GABRB2: variants seen among roughly 807,000 people sequenced by gnomAD.
GABRB2 encodes the protein gamma-aminobutyric acid receptor subunit beta-2.
Under a neutral mutation model 54.7 loss-of-function variants are expected in GABRB2, and 16 were observed. The ratio of observed to expected loss-of-function variants is 0.29; its 90% CI spans 0.20 to 0.44. GABRB2 has a LOEUF of 0.44. GABRB2 is among the 20% of genes least tolerant of loss of function. The pLI, the probability that GABRB2 is intolerant of heterozygous loss-of-function variation, is 1.00. For missense variants in GABRB2, 355 were observed against 644.0 expected, an observed-to-expected ratio of 0.55 and a Z score of 4.86; for synonymous variants, 244 against 233.8, an observed-to-expected ratio of 1.04 and a Z score of -0.40.
intron 5 of GABRB2, among the ~76,000 whole-genome samples, chr5:161,373,102 C>T (rs973355674): frequency 2.0e-5 from 3 of 152,030 alleles, no homozygotes; most frequent in Admixed American, 6.6e-5. Flanking sequence ...AATTCCTAAC[C>T]GTATGCAAAT....
At chr5:161,544,134 A>C (rs1165238891) in intron 3 of GABRB2, among the ~76,000 whole-genome samples, 1 of 152,160 alleles carries the variant, frequency 6.6e-6, no homozygotes, top group East Asian at 1.9e-4. Flanking sequence ...TTGAGAACTA[A>C]TTTTCAAGTC....
chr5:161,525,058 C>T (rs184960209), intron 3 of GABRB2, among the ~76,000 whole-genome samples: 31 of 151,426 alleles, frequency 2.0e-4, no homozygotes, highest in African/African-American at 7.0e-4. Flanking sequence ...TCTGTACCAA[C>T]CAGGCAGTAT....
intron 5 of GABRB2, among the ~76,000 whole-genome samples, chr5:161,341,090 G>T (rs916806070): frequency 6.6e-6 from 1 of 151,954 alleles, no homozygotes; most frequent in Non-Finnish European, 1.5e-5. Context: ...AAAGAGCAAC[G>T]AGCTCCATGA....
At chr5:161,463,555 T>TAGATATATATATAGATATATATATAGATA (rs1236064276) in intron 3 of GABRB2, among the ~76,000 whole-genome samples, 2 of 23,710 alleles carry the variant, frequency 8.4e-5, no homozygotes, top group African/African-American at 3.6e-4. Flanking sequence ...ATATTTTTAT[T>TAGATATATATATAGATATATATATAGATA]TATATATATA....
intron 5 of GABRB2, among the ~76,000 whole-genome samples, chr5:161,401,122 T>C (rs192451890): frequency 1.8e-4 from 28 of 152,276 alleles, no homozygotes; most frequent in Middle Eastern, 3.4e-3. Context: ...CCAGCAGTTA[T>C]TATGGTATAC....
chr5:161,330,541 A>T (rs1287327483), intron 8 of GABRB2: 1 of 182,630 alleles, frequency 5.5e-6, no homozygotes, highest in Non-Finnish European at 1.1e-5. Context: ...AGTAATACTG[A>T]CTGAAGCAAC....
intron 3 of GABRB2, among the ~76,000 whole-genome samples, chr5:161,539,543 C>T (rs571789652): frequency 6.6e-6 from 1 of 152,290 alleles, no homozygotes; most frequent in African/African-American, 2.4e-5. Flanking sequence ...CTTTGAGTTG[C>T]AAGCCAAGTT....
At chr5:161,507,857 T>A (rs1321601903) in intron 3 of GABRB2, among the ~76,000 whole-genome samples, 1 of 152,028 alleles carries the variant, frequency 6.6e-6, no homozygotes, top group African/African-American at 2.4e-5. Context: ...ACACCAACTG[T>A]TGTCAAGGAT....
Position 161,334,783 on chromosome 5 carries a change from A to G in GABRB2, c.801T>C (p.Asn267=). The G allele has an allele frequency of 6.2e-7, 1 of 1,614,040 alleles. No individual in the cohort carries two copies. The highest frequency in any genetic ancestry group is 1.1e-5 in the South Asian group (1 of 91,072). The part of the protein sequence containing the change: ...TILSWVSFWI[N]YDASAARVAL... ...CCACCCTTGCAGCTGAAGCATCGTAATTAATCCAGAAGGAGACCCAGGAGA... is the reference window on the plus strand; with the variant it reads ...CCACCCTTGCAGCTGAAGCATCGTAGTTAATCCAGAAGGAGACCCAGGAGA... The change falls in exon 7 of 10, where the codon AAT becomes AAC. Residue 267 remains asparagine (N), a synonymous_variant. Coordinates refer to ENST00000393959, the MANE Select transcript of GABRB2 (RefSeq NM_001371727.1).
chr5:161,427,794 T>G (rs774502304), intron 4 of GABRB2, among the ~76,000 whole-genome samples: 10 of 152,174 alleles, frequency 6.6e-5, no homozygotes, highest in Non-Finnish European at 1.5e-4. Flanking sequence ...ACAAAATGGT[T>G]TAGGAGTATT....
In GABRB2 at chr5:161,516,704, T is replaced by C. The variant is rs182811262; in HGVS notation, c.237+28523A>G. Among the ~76,000 whole-genome samples the C allele has an allele frequency of 2.8e-3, 425 of 152,358 alleles. 2 individuals carry two copies. Among genetic ancestry groups the C allele is most frequent in the African/African-American group, 9.9e-3 (412 of 41,582 alleles). ...TGGATTTTATTATTGTAAGTTTCAC[T>C]GTCTGGCACATTTCACCAAATGCTC... On this transcript the variant is annotated intron_variant, in intron 3 of 9. Coordinates refer to ENST00000393959, the MANE Select transcript of GABRB2 (RefSeq NM_001371727.1).
At chr5:161,511,107 A>C (rs1759754729) in intron 3 of GABRB2, among the ~76,000 whole-genome samples, 1 of 151,964 alleles carries the variant, frequency 6.6e-6, no homozygotes, top group African/African-American at 2.4e-5. Context: ...AACATCACAA[A>C]TGTACTAAAT....
chr5:161,451,404 A>G (rs1056534448), intron 4 of GABRB2, among the ~76,000 whole-genome samples: 1 of 152,212 alleles, frequency 6.6e-6, no homozygotes, highest in Admixed American at 6.5e-5. Flanking sequence ...AACTGAGAAC[A>G]TAAGAAAGTC....
intron 4 of GABRB2, among the ~76,000 whole-genome samples, chr5:161,424,432 C>T (rs1393761991): frequency 1.3e-5 from 2 of 152,026 alleles, no homozygotes; most frequent in Non-Finnish European, 2.9e-5. Context: ...CTTACCATTC[C>T]CAAAATCATA....
chr5:161,404,883 A>G (rs537935394), intron 5 of GABRB2, among the ~76,000 whole-genome samples: 2 of 152,108 alleles, frequency 1.3e-5, no homozygotes, highest in South Asian at 2.1e-4. Context: ...GTAACCCTTA[A>G]CCTACAGCTA....
intron 7 of GABRB2, 116 bp from the exon 8 acceptor site, chr5:161,331,243 A>T: frequency 2.4e-6 from 3 of 1,244,974 alleles, no homozygotes; most frequent in Non-Finnish European, 3.3e-6. Flanking sequence ...CAATCTATTT[A>T]TTGGGCCTTT....
At chr5:161,423,057 A>T (rs1163974980) in intron 4 of GABRB2, among the ~76,000 whole-genome samples, 2 of 152,140 alleles carry the variant, frequency 1.3e-5, no homozygotes, top group Non-Finnish European at 2.9e-5. Context: ...TATGATTACC[A>T]GGAAGTTTTT....
intron 5 of GABRB2, among the ~76,000 whole-genome samples, chr5:161,366,074 G>GTT (rs1215938120): frequency 2.0e-5 from 3 of 150,064 alleles, no homozygotes; most frequent in Non-Finnish European, 3.0e-5. Context: ...ACTCCGTAAA[G>GTT]CCAGCTAAGT....
At chr5:161,546,753 C>A (rs1760998740), upstream of GABRB2, 10 of 1,482,472 alleles carry the variant, frequency 6.7e-6, no homozygotes, top group South Asian at 1.3e-5. Context: ...CGTACCAAAA[C>A]ATCAAAGGGG....
Sources: gnomAD v4.1 joint callset for allele counts (sites outside exome capture counted in the v4.1 genomes callset) on GRCh38, gnomAD v4.1.1 for gene constraint, MANE v1.5 for transcripts, NCBI Gene and HGNC (gene_info 2026-07-23, HGNC 2026-07-21) for gene names.